PCSK5: variants seen among roughly 807,000 people sequenced by gnomAD.
PCSK5 encodes the protein proprotein convertase subtilisin/kexin type 5.
PCSK5 carries 129 observed loss-of-function variants against 233.2 expected under a neutral mutation model. The observed-to-expected ratio is 0.55, with a 90% CI of 0.48 to 0.64. PCSK5 has a LOEUF of 0.64. Ranked by LOEUF, PCSK5 falls within the 30% of genes least tolerant of loss-of-function variation. The pLI is 0.00. For synonymous variants in PCSK5, 825 were observed against 879.2 expected (o/e 0.94, Z 1.09); for missense variants, 2,076 against 2,430.1 (o/e 0.85, Z 3.06).
chr9:76,295,113 A>G (rs1367937867), intron 25 of PCSK5, among the ~76,000 whole-genome samples, 162 bp from the exon 26 acceptor site: 1 of 152,164 alleles, frequency 6.6e-6, no homozygotes, highest in Non-Finnish European at 1.5e-5. Flanking sequence ...GAGATCGACC[A>G]CTGCACTCCA....
chr9:76,168,004 T>A (rs749403277), intron 12 of PCSK5, among the ~76,000 whole-genome samples: 13 of 152,214 alleles, frequency 8.5e-5, no homozygotes, highest in African/African-American at 1.2e-4. Context: ...AAATAATAGA[T>A]GAACATCATT....
At chr9:75,934,170 A>C (rs888216147) in intron 2 of PCSK5, among the ~76,000 whole-genome samples, 2 of 147,134 alleles carry the variant, frequency 1.4e-5, no homozygotes, top group Non-Finnish European at 3.0e-5. Flanking sequence ...GAGTGGGGCC[A>C]TTGCAGGCCA....
In PCSK5 at chr9:75,959,665, G is replaced by A. The variant is rs564943046; in HGVS notation, c.298-26467G>A. ...CTCCAGTGTGGCTGGGCTCGGGGCC[G>A]ACTCTGTGGCCACGGCACAAATGGA... On this transcript the variant is annotated intron_variant, in intron 2 of 37. Transcript: ENST00000674117. Among the ~76,000 whole-genome samples the A allele has an allele frequency of 1.1e-4, 16 of 152,306 alleles. No homozygotes were observed. In the South Asian group the frequency reaches 2.1e-3, roughly 20 times the overall value.
intron 10 of PCSK5, among the ~76,000 whole-genome samples, chr9:76,150,016 GAATAT>G: frequency 6.6e-6 from 1 of 152,164 alleles, no homozygotes; most frequent in Non-Finnish European, 1.5e-5. Flanking sequence ...TGTTCATACA[GAATAT>G]AATAAATTGT....
At chr9:76,046,155 C>CTTTTTTTTTTTTTTTTTTT (rs1829362984) in intron 5 of PCSK5, among the ~76,000 whole-genome samples, 1 of 55,702 alleles carries the variant, frequency 1.8e-5, no homozygotes, top group African/African-American at 5.2e-5. Flanking sequence ...ATAATTTTTT[C>CTTTTTTTTTTTTTTTTTTT]TTTTGTTTTT....
chr9:76,319,190 C>T (rs992417149), intron 30 of PCSK5, among the ~76,000 whole-genome samples: 5 of 152,012 alleles, frequency 3.3e-5, no homozygotes, highest in Admixed American at 6.6e-5. Context: ...GTAGGCCGGG[C>T]GCGGTGGCTC....
At chr9:75,981,108 T>C (rs1470590081) in intron 2 of PCSK5, among the ~76,000 whole-genome samples, 1 of 152,162 alleles carries the variant, frequency 6.6e-6, no homozygotes, top group Non-Finnish European at 1.5e-5. Context: ...AATCATAGAG[T>C]AACATATGAT....
At chr9:76,158,556 T>A (rs1587699077) in intron 11 of PCSK5, among the ~76,000 whole-genome samples, 2 of 152,120 alleles carry the variant, frequency 1.3e-5, no homozygotes, top group African/African-American at 4.8e-5. Flanking sequence ...TTTATGCTAA[T>A]CCCCAAGCCT....
At chr9:75,980,439 A>G (rs1220890849) in intron 2 of PCSK5, among the ~76,000 whole-genome samples, 1 of 152,176 alleles carries the variant, frequency 6.6e-6, no homozygotes, top group Non-Finnish European at 1.5e-5. Context: ...CTTCACATTC[A>G]TGACCAGATG....
At chr9:75,915,113 A>C (rs761623496) in intron 1 of PCSK5, among the ~76,000 whole-genome samples, 7 of 152,178 alleles carry the variant, frequency 4.6e-5, no homozygotes, top group Non-Finnish European at 8.8e-5. Context: ...TAGAAGGCTC[A>C]TTTTGGGGAG....
In PCSK5 at chr9:75,891,122, T is replaced by G. The variant is rs576395748; in HGVS notation, c.-60T>G. 6.8e-6 allele frequency: 9 copies of G among 1,331,642 alleles called. No homozygotes were observed. The East Asian group carries it at 2.0e-4, about 30-fold the overall frequency. 82.5% of individuals were successfully genotyped at this position (1,331,642 alleles called of 1,614,324 possible). A position where few individuals can be genotyped will look rare whatever the true frequency, so the allele number is the denominator to read the frequency against. ...CGGCGCAGGCCGGAGAAGTTAGTTG[T>G]GCGCGCCCTTAGTGCGCGGAACCAG... On this transcript the variant is annotated 5_prime_UTR_variant, in exon 1 of 38. Coordinates refer to ENST00000674117, the MANE Select transcript of PCSK5 (RefSeq NM_001372043.1).
intron 33 of PCSK5, among the ~76,000 whole-genome samples, chr9:76,332,104 C>A (rs949845982): frequency 3.3e-5 from 5 of 152,156 alleles, no homozygotes; most frequent in Non-Finnish European, 2.9e-5. Flanking sequence ...TTCTACCCAC[C>A]ACAGCTAATC....
At chr9:76,248,865 C>G (rs1826703499) in intron 24 of PCSK5, among the ~76,000 whole-genome samples, 1 of 152,148 alleles carries the variant, frequency 6.6e-6, no homozygotes, top group African/African-American at 2.4e-5. Flanking sequence ...CTCCTGAGCT[C>G]AAGTGATCCT....
At chr9:76,013,557 C>T (rs1827821423) in intron 3 of PCSK5, among the ~76,000 whole-genome samples, 1 of 152,130 alleles carries the variant, frequency 6.6e-6, no homozygotes, top group South Asian at 2.1e-4. Flanking sequence ...TGTGATAGGA[C>T]TTGGAGAGTA....
chr9:76,019,910 C>G (rs1828108654), intron 3 of PCSK5, among the ~76,000 whole-genome samples: 3 of 152,154 alleles, frequency 2.0e-5, no homozygotes, highest in Admixed American at 2.0e-4. Flanking sequence ...TTTCTAAATA[C>G]CTAATAGACC....
chr9:76,348,439 T>G (rs927543862), intron 35 of PCSK5, among the ~76,000 whole-genome samples: 1 of 151,074 alleles, frequency 6.6e-6, no homozygotes, highest in African/African-American at 2.4e-5. Flanking sequence ...ATATATTAGT[T>G]GGGTATGGGG....
rs562598391 is a variant in PCSK5 at position 75,933,590 on chromosome 9, T to C, written c.297+1107T>C. On this transcript the variant is annotated intron_variant, in intron 2 of 37. Coordinates refer to ENST00000674117, the MANE Select transcript of PCSK5 (RefSeq NM_001372043.1). ...TTGCGTCTTGCCCTCAGTTATGTGC[T>C]GTAGTTAGCCTTGTTTAATTTTTTT... 6.8e-4 allele frequency among the ~76,000 whole-genome samples: 103 copies of C among 152,384 alleles called. No individual in the cohort carries two copies. In the South Asian group the frequency reaches 0.012, roughly 17 times the overall value.
At chr9:76,300,357 C>CA (rs927502840) in intron 27 of PCSK5, among the ~76,000 whole-genome samples, 1 of 152,046 alleles carries the variant, frequency 6.6e-6, no homozygotes, top group Non-Finnish European at 1.5e-5. Flanking sequence ...ACACAGAGTG[C>CA]AAAAAAACAC....
intron 9 of PCSK5, among the ~76,000 whole-genome samples, chr9:76,124,095 T>C (rs1832748870): frequency 6.6e-6 from 1 of 152,196 alleles, no homozygotes; most frequent in African/African-American, 2.4e-5. Flanking sequence ...CTTTGATTAG[T>C]GGCGAAGATC....
Sources: allele counts gnomAD v4.1 joint callset (sites outside exome capture counted in the v4.1 genomes callset), GRCh38; gene constraint gnomAD v4.1.1; transcripts MANE v1.5; gene names NCBI Gene and HGNC (gene_info 2026-07-23, HGNC 2026-07-21).